The following PSMA1 variants were observed in gnomAD, a reference collection of about 807,000 sequenced individuals.
The protein encoded by PSMA1 is proteasome 20S subunit alpha 1.
A neutral mutation model predicts 38.4 loss-of-function variants in PSMA1; 3 were observed. The observed-to-expected ratio is 0.08, with a 90% CI of 0.04 to 0.20. PSMA1 has a LOEUF of 0.20. Among genes scored for constraint, PSMA1 ranks in the 10% least tolerant of loss-of-function variants. PSMA1 has a pLI of 1.00. For missense variants in PSMA1, 227 were observed against 325.3 expected (o/e 0.70, Z 2.32); for synonymous variants, 101 against 107.1 (o/e 0.94, Z 0.35).
intron 2 of PSMA1, among the ~76,000 whole-genome samples, chr11:14,580,393 C>T (rs1199083079): frequency 2.6e-5 from 4 of 152,174 alleles, no homozygotes; most frequent in African/African-American, 9.7e-5. Context: ...TCCTGCTACA[C>T]CTCAAGACCA....
At chr11:14,597,472 G>A (rs1055482211) in intron 2 of PSMA1, among the ~76,000 whole-genome samples, 1 of 152,126 alleles carries the variant, frequency 6.6e-6, no homozygotes, top group Non-Finnish European at 1.5e-5. Flanking sequence ...TTTAGTCTTG[G>A]GAGGGTGTAT....
chr11:14,630,547 T>A (rs1852989737), intron 1 of PSMA1, among the ~76,000 whole-genome samples: 1 of 152,032 alleles, frequency 6.6e-6, no homozygotes, highest in Non-Finnish European at 1.5e-5. Context: ...CTTTTTGATG[T>A]GCTGCTGGAT....
chr11:14,586,400 C>T (rs531354748), intron 2 of PSMA1, among the ~76,000 whole-genome samples: 140 of 152,012 alleles, frequency 9.2e-4, no homozygotes, highest in Middle Eastern at 6.8e-3. Flanking sequence ...CCATTGTACT[C>T]CAGCCTGGGC....
At chr11:14,599,178 CT>C in intron 2 of PSMA1, among the ~76,000 whole-genome samples, 1 of 152,292 alleles carries the variant, frequency 6.6e-6, no homozygotes, top group East Asian at 1.9e-4. Flanking sequence ...ACATTTTTTC[CT>C]TCATTTCAAC....
intron 2 of PSMA1, among the ~76,000 whole-genome samples, chr11:14,562,078 T>C (rs1217965007): frequency 6.6e-6 from 1 of 152,180 alleles, no homozygotes; most frequent in Non-Finnish European, 1.5e-5. Flanking sequence ...CCTTTAAGAC[T>C]GGGAGAACAA....
intron 1 of PSMA1, among the ~76,000 whole-genome samples, chr11:14,621,236 C>T (rs187219985): frequency 6.6e-6 from 1 of 151,768 alleles, no homozygotes; most frequent in Non-Finnish European, 1.5e-5. Context: ...AAGCATTTGT[C>T]AAAAATTTTA....
At chr11:14,552,491 G>A (rs1851896893) in intron 2 of PSMA1, among the ~76,000 whole-genome samples, 1 of 152,148 alleles carries the variant, frequency 6.6e-6, no homozygotes, top group Non-Finnish European at 1.5e-5. Flanking sequence ...AGTCCTGTGA[G>A]CTCAGTTAAT....
intron 2 of PSMA1, among the ~76,000 whole-genome samples, chr11:14,527,763 T>A (rs1346064151): frequency 6.6e-6 from 1 of 152,184 alleles, no homozygotes; most frequent in Non-Finnish European, 1.5e-5. Context: ...TTCCTCAGTT[T>A]GGCCTTCCCA....
At chr11:14,621,894 C>T (rs769222651) in intron 1 of PSMA1, among the ~76,000 whole-genome samples, 19 of 152,120 alleles carry the variant, frequency 1.2e-4, no homozygotes, top group Non-Finnish European at 1.2e-4. Context: ...TTACTGAATG[C>T]TTTTTATGTG....
intron 1 of PSMA1, among the ~76,000 whole-genome samples, chr11:14,631,995 C>T (rs1853022119): frequency 7.1e-6 from 1 of 140,924 alleles, no homozygotes; most frequent in Admixed American, 7.1e-5. Flanking sequence ...CAACCCCTGC[C>T]TTTTTTTGTT....
chr11:14,630,459 G>T (rs1221062594), intron 1 of PSMA1, among the ~76,000 whole-genome samples: 1 of 152,066 alleles, frequency 6.6e-6, no homozygotes, highest in Non-Finnish European at 1.5e-5. Context: ...TTATATGCTG[G>T]ATTACATTTA....
At chr11:14,520,544 T>A, upstream of PSMA1, 1 of 1,326,158 alleles carries the variant, frequency 7.5e-7, no homozygotes, top group South Asian at 1.6e-5. Context: ...CGGGAAAACC[T>A]GGCTGGGAGT....
At chr11:14,573,112 C>T (rs1852166660) in intron 2 of PSMA1, among the ~76,000 whole-genome samples, 1 of 152,196 alleles carries the variant, frequency 6.6e-6, no homozygotes, top group Non-Finnish European at 1.5e-5. Flanking sequence ...ACCATTCCTT[C>T]TGAAACTATT....
At chr11:14,599,781 TG>T (rs1485897242) in intron 2 of PSMA1, among the ~76,000 whole-genome samples, 3 of 152,342 alleles carry the variant, frequency 2.0e-5, no homozygotes, top group Admixed American at 6.5e-5. Context: ...TTTGTTCCGT[TG>T]CTGGCTAGGA....
intron 2 of PSMA1, among the ~76,000 whole-genome samples, chr11:14,538,046 C>T (rs551193886): frequency 9.2e-5 from 14 of 151,748 alleles, no homozygotes; most frequent in Admixed American, 5.2e-4. Flanking sequence ...GGAAAAACAA[C>T]GAAATAATTA....
chr11:14,531,091 G>T lies in PSMA1; in HGVS notation c.22-12050C>A, dbSNP rs1158234434. Among the ~76,000 whole-genome samples the T allele has an allele frequency of 1.1e-4, 16 of 152,136 alleles. No individual in the cohort carries two copies. In the East Asian group the frequency reaches 2.9e-3, roughly 28 times the overall value. The stretch of plus-strand genomic sequence containing the variant: ...GGAATTGCTTATACTTTGTCATTGT[G>T]CTAGATATTCTCTGATAACCCTATA... On this transcript the variant is annotated intron_variant, in intron 2 of 10. Coordinates refer to the PSMA1 transcript ENST00000418988.
At chr11:14,626,867 A>G (rs1193627629) in intron 1 of PSMA1, among the ~76,000 whole-genome samples, 1 of 152,194 alleles carries the variant, frequency 6.6e-6, no homozygotes, top group African/African-American at 2.4e-5. Flanking sequence ...GTATTACTCT[A>G]CTAGGGCTTC....
intron 1 of PSMA1, among the ~76,000 whole-genome samples, chr11:14,633,606 GC>G (rs983558876): frequency 2.6e-5 from 4 of 152,216 alleles, no homozygotes; most frequent in African/African-American, 9.7e-5. Flanking sequence ...TCTGTGCCCT[GC>G]CCCCAGAAGT....
intron 1 of PSMA1, among the ~76,000 whole-genome samples, chr11:14,618,561 T>C (rs775353849): frequency 7.2e-5 from 11 of 152,226 alleles, no homozygotes; most frequent in Non-Finnish European, 1.2e-4. Context: ...CCTAAGCATC[T>C]AAAGGAATTG....
Sources: gnomAD v4.1 joint callset for allele counts (sites outside exome capture counted in the v4.1 genomes callset) on GRCh38, gnomAD v4.1.1 for gene constraint, MANE v1.5 for transcripts, NCBI Gene and HGNC (gene_info 2026-07-23, HGNC 2026-07-21) for gene names.